The following KLHL5 variants were observed in gnomAD, a reference collection of about 807,000 sequenced individuals.
The protein encoded by KLHL5 is kelch-like protein 5.
A neutral mutation model predicts 77.7 loss-of-function variants in KLHL5; 48 were observed. The ratio of observed to expected loss-of-function variants is 0.62; its 90% confidence interval spans 0.49 to 0.79. The LOEUF (loss-of-function observed/expected upper bound fraction) is 0.79. KLHL5 is among the 30% of genes least tolerant of loss of function. KLHL5 has a pLI of 0.00. For synonymous variants in KLHL5, 260 were observed against 297.0 expected, an observed-to-expected ratio of 0.88 and a Z score of 1.28; for missense variants, 723 against 859.7, an observed-to-expected ratio of 0.84 and a Z score of 1.99.
chr4:39,090,395 A>G (rs938780074), intron 5 of KLHL5, among the ~76,000 whole-genome samples: 4 of 151,758 alleles, frequency 2.6e-5, no homozygotes, highest in African/African-American at 9.7e-5. Flanking sequence ...TTAAAATAAT[A>G]TAGGAAATAA....
rs978407940 is a variant in KLHL5 at position 39,126,094 on chromosome 4, C to A, written c.*5028C>A. Among the ~76,000 whole-genome samples, 1 of 152,040 alleles carries A rather than the reference C, an allele frequency of 6.6e-6. No individual in the cohort carries two copies. The highest frequency in any genetic ancestry group is 1.5e-5 in the Non-Finnish European group (1 of 68,004). ...GTTAACGGGGAACTTCCCCACCGTCCGGTACATGGCAGGCATTCCACAAAT... is the reference window on the plus strand; with the variant it reads ...GTTAACGGGGAACTTCCCCACCGTCAGGTACATGGCAGGCATTCCACAAAT... On this transcript the variant is annotated 3_prime_UTR_variant, in exon 11 of 11. Coordinates refer to ENST00000504108, the MANE Select transcript of KLHL5 (RefSeq NM_015990.5).
chr4:39,094,089 G>T (rs1577705105), intron 5 of KLHL5, among the ~76,000 whole-genome samples: 1 of 151,972 alleles, frequency 6.6e-6, no homozygotes, highest in African/African-American at 2.4e-5. Context: ...TTTAGCAATT[G>T]CAATAATAAA....
At chr4:39,084,544 A>G (rs901864312) in intron 4 of KLHL5, among the ~76,000 whole-genome samples, 5 of 152,222 alleles carry the variant, frequency 3.3e-5, no homozygotes, top group Non-Finnish European at 7.3e-5. Context: ...CTTTTGAAAA[A>G]TACTTTGTAT....
chr4:39,067,264 G>T (rs1001084934), intron 1 of KLHL5, among the ~76,000 whole-genome samples: 1 of 152,154 alleles, frequency 6.6e-6, no homozygotes, highest in Non-Finnish European at 1.5e-5. Flanking sequence ...CTAATCAGGT[G>T]TTTTGTAGAA....
intron 5 of KLHL5, among the ~76,000 whole-genome samples, chr4:39,087,226 T>G (rs1318966491): frequency 2.0e-5 from 3 of 152,142 alleles, no homozygotes; most frequent in Non-Finnish European, 2.9e-5. Flanking sequence ...TAAGTAACAT[T>G]CTTGATTTTG....
chr4:39,130,085 A>G (rs1036169632), downstream of KLHL5, among the ~76,000 whole-genome samples: 14 of 152,344 alleles, frequency 9.2e-5, no homozygotes, highest in African/African-American at 3.4e-4. Flanking sequence ...CAGCGGCGCT[A>G]GAGGAATTAA....
the KLHL5 span, among the ~76,000 whole-genome samples, chr4:39,137,856 CTT>C: frequency 4.6e-5 from 7 of 151,134 alleles, no homozygotes; most frequent in Non-Finnish European, 8.8e-5. Flanking sequence ...CTATATGGAA[CTT>C]AAACAAATTT....
intron 8 of KLHL5, among the ~76,000 whole-genome samples, chr4:39,109,189 C>T: frequency 6.6e-6 from 1 of 152,070 alleles, no homozygotes; most frequent in East Asian, 1.9e-4. Context: ...CTTTTCTTAT[C>T]ATTGCTTTGT....
chr4:39,140,786 C>T, the KLHL5 span, among the ~76,000 whole-genome samples: 2 of 152,196 alleles, frequency 1.3e-5, no homozygotes, highest in African/African-American at 4.8e-5. Flanking sequence ...ACTCTTTCAT[C>T]CCAGGGGTAT....
At position 39,062,452 on chromosome 4, in the gene KLHL5, A is replaced by G; in HGVS notation, c.-201A>G. ...GAATGTTCCACCGTGTTTCATCTTT[A>G]TTCATTATCCTTTGTTCTTTAAAAT... On this transcript the variant is annotated 5_prime_UTR_variant, in exon 1 of 11. Transcript: ENST00000504108. 1 of 1,545,580 alleles carries G rather than the reference A, an allele frequency of 6.5e-7. No homozygotes were observed. The highest frequency in any genetic ancestry group is 8.7e-7 in the Non-Finnish European group (1 of 1,150,820).
the KLHL5 span, among the ~76,000 whole-genome samples, chr4:39,138,013 G>C: frequency 4.6e-5 from 7 of 152,070 alleles, no homozygotes; most frequent in Non-Finnish European, 8.8e-5. Context: ...ACCACAATGA[G>C]ATACCATCTC....
rs2109379324 is a variant in KLHL5, at chr4:39,081,269, C to A, written c.703+30C>A. ...CGAGTCTGAAAATGTAAATTAAAAC[C>A]TCTTAGATTTATGTTGTATTATTAG... On this transcript the variant is annotated intron_variant, in intron 3 of 10. Transcript: ENST00000504108. This position sits in a 1 kb window ranked among gnomAD's most constrained non-coding sequence, Gnocchi z 4.3. 6.4e-7 allele frequency: 1 copy of A among 1,551,060 alleles called. No individual in the cohort carries two copies. Among genetic ancestry groups the A allele is most frequent in the South Asian group, 1.2e-5 (1 of 81,534 alleles).
chr4:39,128,310 C>CA (rs1282569666), downstream of KLHL5, among the ~76,000 whole-genome samples: 3 of 152,068 alleles, frequency 2.0e-5, no homozygotes, highest in African/African-American at 7.2e-5. Context: ...TATAGTATCA[C>CA]AGATTCTGAA....
intron 7 of KLHL5, 45 bp downstream of exon 7, chr4:39,103,556 C>T (rs1721782129): frequency 6.8e-7 from 1 of 1,473,090 alleles, no homozygotes; most frequent in African/African-American, 1.4e-5. Context: ...ACATAGCTCC[C>T]ACGGCACATT....
chr4:39,086,867 G>T, intron 5 of KLHL5, 140 bp downstream of exon 5: 1 of 476,628 alleles, frequency 2.1e-6, no homozygotes, highest in Non-Finnish European at 3.8e-6. Flanking sequence ...CAGTCCAGAA[G>T]ATCTGGCTAC....
chr4:39,093,636 T>TG (rs199744158), intron 5 of KLHL5, among the ~76,000 whole-genome samples: 4,363 of 152,310 alleles, frequency 0.029, 228 homozygotes, highest in African/African-American at 0.099. Context: ...CAAGGCATGG[T>TG]GGCTCATGCC....
chr4:39,071,200 C>T (rs889733641), intron 1 of KLHL5, among the ~76,000 whole-genome samples: 3 of 152,002 alleles, frequency 2.0e-5, no homozygotes, highest in African/African-American at 7.2e-5. Flanking sequence ...TACCTAGCAA[C>T]TTGTAGTTTT....
rs931717280 is a variant in KLHL5 at position 39,126,158 on chromosome 4, C to G, written c.*5092C>G. Among the ~76,000 whole-genome samples, 2 of 152,064 alleles carry G rather than the reference C, an allele frequency of 1.3e-5. No homozygotes were observed. Among genetic ancestry groups the G allele is most frequent in the African/African-American group, 2.4e-5 (1 of 41,402 alleles). The stretch of plus-strand genomic sequence containing the variant: ...TGAAATAGACATCTTTTCATGAACT[C>G]TGTAATATTTGAAATTATTGATAAC... On this transcript the variant is annotated 3_prime_UTR_variant, in exon 11 of 11. Coordinates refer to ENST00000504108, the MANE Select transcript of KLHL5 (RefSeq NM_015990.5).
downstream of KLHL5, among the ~76,000 whole-genome samples, chr4:39,130,106 G>A (rs185379052): frequency 1.2e-4 from 18 of 152,278 alleles, no homozygotes; most frequent in African/African-American, 3.9e-4. Context: ...AGACATATAC[G>A]CAGAAATATA....
Sources: allele counts gnomAD v4.1 joint callset (sites outside exome capture counted in the v4.1 genomes callset), GRCh38; gene constraint gnomAD v4.1.1; non-coding constraint Gnocchi (gnomAD v3.1); transcripts MANE v1.5; gene names NCBI Gene and HGNC (gene_info 2026-07-23, HGNC 2026-07-21).